The following CLMP variants were observed in gnomAD, a reference collection of about 807,000 sequenced individuals.
CLMP encodes CXADR-like membrane protein.
CLMP carries 27 observed loss-of-function variants against 45.2 expected under a neutral mutation model. The ratio of observed to expected loss-of-function variants is 0.60; its 90% CI spans 0.44 to 0.82. CLMP has a LOEUF of 0.82. CLMP is among the 40% of genes least tolerant of loss of function. CLMP has a pLI of 0.00. For missense variants in CLMP, 403 were observed against 448.4 expected, an observed-to-expected ratio of 0.90 and a Z score of 0.91; for synonymous variants, 167 against 171.4, an observed-to-expected ratio of 0.97 and a Z score of 0.20.
At chr11:123,190,759 C>T (rs1337845672) in intron 1 of CLMP, among the ~76,000 whole-genome samples, 1 of 152,182 alleles carries the variant, frequency 6.6e-6, no homozygotes, top group African/African-American at 2.4e-5. Flanking sequence ...AAAACCAATG[C>T]CAATTATTCA....
intron 1 of CLMP, among the ~76,000 whole-genome samples, chr11:123,099,500 T>C (rs1027772573): frequency 6.6e-6 from 1 of 152,086 alleles, no homozygotes; most frequent in Non-Finnish European, 1.5e-5. Context: ...AGAAACAGAG[T>C]ATGTAAATCA....
Position 123,083,099 on chromosome 11 carries a change from C to G in CLMP, c.665G>C (p.Arg222Pro). The G allele has an allele frequency of 6.2e-7, 1 of 1,614,176 alleles. No individual in the cohort carries two copies. Reference protein sequence around the residue: ...NEAGKESCVVRVTVQYVQSIG... With the variant: ...NEAGKESCVVPVTVQYVQSIG... ...TGGATGCTTACACTGTACAGTTACT[C>G]GCACCACACAGCTTTCCTTCCCAGC... Residue 222 changes from arginine (R) to proline (P), a missense_variant, in exon 5 of 7, where the codon CGA becomes CCA. Coordinates refer to ENST00000448775, the MANE Select transcript of CLMP (RefSeq NM_024769.5).
In CLMP at chr11:123,083,150, A is replaced by G; in HGVS notation, c.614T>C (p.Leu205Pro). Residue 205 changes from leucine (L) to proline (P), a missense_variant, in exon 5 of 7, where the codon CTG becomes CCG. By Grantham distance (98) the Leu-to-Pro change is moderately conservative. Transcript: ENST00000448775. The part of the protein sequence containing the change: ...LQNLTMSYSG[L>P]YQCTAGNEAG... The stretch of plus-strand genomic sequence containing the variant: ...TTCGTTGCCTGCTGTGCACTGGTAC[A>G]GTCCAGAGTAGGACATGGTAAGATT... The G allele has an allele frequency of 3.1e-6, 5 of 1,614,152 alleles. No individual in the cohort carries two copies. The highest frequency in any genetic ancestry group is 4.2e-6 in the Non-Finnish European group (5 of 1,179,970).
chr11:123,136,050 A>G, intron 1 of CLMP: 1 of 594,626 alleles, frequency 1.7e-6, no homozygotes, highest in South Asian at 1.4e-5. Context: ...TCGTTTCTTC[A>G]TCTGCCTTTT....
At chr11:123,142,667 C>A (rs535215913) in intron 1 of CLMP, among the ~76,000 whole-genome samples, 2 of 131,696 alleles carry the variant, frequency 1.5e-5, no homozygotes, top group East Asian at 4.5e-4. Flanking sequence ...GTGCCCAGGC[C>A]GGACTGCGGA....
chr11:123,099,062 G>A (rs1188674609), intron 1 of CLMP, among the ~76,000 whole-genome samples: 1 of 152,004 alleles, frequency 6.6e-6, no homozygotes, highest in African/African-American at 2.4e-5. Flanking sequence ...TTACTTCTGG[G>A]CTGAAGCGAT....
intron 1 of CLMP, among the ~76,000 whole-genome samples, chr11:123,148,026 G>A (rs986991413): frequency 7.9e-5 from 12 of 152,240 alleles, no homozygotes; most frequent in Middle Eastern, 3.4e-3. Flanking sequence ...TCTTCGTTCT[G>A]CAGCTTACCT....
intron 2 of CLMP, among the ~76,000 whole-genome samples, chr11:123,086,007 C>T (rs1865862056): frequency 6.6e-6 from 1 of 152,014 alleles, no homozygotes; most frequent in Admixed American, 6.6e-5. Context: ...GAACTCCTGA[C>T]CTCAGATGAT....
chr11:123,073,907 G>T, intron 6 of CLMP, 133 bp from the exon 7 acceptor site: 1 of 857,152 alleles, frequency 1.2e-6, no homozygotes, highest in South Asian at 1.8e-5. Flanking sequence ...TAGGGTCATA[G>T]GTGCTTCCTC....
At chr11:123,182,331 C>T (rs979578649) in intron 1 of CLMP, among the ~76,000 whole-genome samples, 3 of 152,188 alleles carry the variant, frequency 2.0e-5, no homozygotes, top group South Asian at 2.1e-4. Flanking sequence ...TCCATCCGAG[C>T]GAGGTCATCA....
At chr11:123,118,929 T>TTTTTC (rs1860754788) in intron 1 of CLMP, among the ~76,000 whole-genome samples, 1 of 99,338 alleles carries the variant, frequency 1.0e-5, no homozygotes, top group African/African-American at 4.2e-5. Context: ...TTTTCTTTTC[T>TTTTTC]TTTCTTTCTT....
chr11:123,089,865 C>A (rs1040343540), intron 2 of CLMP, among the ~76,000 whole-genome samples: 25 of 151,312 alleles, frequency 1.7e-4, no homozygotes, highest in Non-Finnish European at 3.2e-4. Flanking sequence ...TTTGGGAGAC[C>A]AAGGCGGGCA....
At chr11:123,108,173 A>G (rs1358114521) in intron 1 of CLMP, among the ~76,000 whole-genome samples, 1 of 151,942 alleles carries the variant, frequency 6.6e-6, no homozygotes, top group Non-Finnish European at 1.5e-5. Flanking sequence ...TGCTTTCCCA[A>G]TCCCACACCC....
rs551769987 is a variant in CLMP, at chr11:123,100,152, A to T, written c.29-2200T>A. On this transcript the variant is annotated intron_variant, in intron 1 of 6. Transcript: ENST00000448775. ...TTGGGAGGCTGAGGAGGGCAGATCA[A>T]CTGAGGTCAGGAGTTTGAGACCAGC... Among the ~76,000 whole-genome samples, 3 of 152,150 alleles carry T rather than the reference A, an allele frequency of 2.0e-5. No individual in the cohort carries two copies. In the South Asian group the frequency reaches 6.2e-4, roughly 32 times the overall value.
chr11:123,188,357 C>A (rs1410495702), intron 1 of CLMP, among the ~76,000 whole-genome samples: 3 of 152,148 alleles, frequency 2.0e-5, no homozygotes, highest in Admixed American at 6.5e-5. Flanking sequence ...TCTGTAAACA[C>A]CAGGAGGTCA....
At chr11:123,080,645 G>C (rs1032528334) in intron 5 of CLMP, among the ~76,000 whole-genome samples, 7 of 152,098 alleles carry the variant, frequency 4.6e-5, no homozygotes, top group African/African-American at 1.7e-4. Flanking sequence ...ATCTCTTGAA[G>C]GGAGAAGTAG....
intron 2 of CLMP, among the ~76,000 whole-genome samples, chr11:123,097,101 C>G (rs752244147): frequency 2.6e-5 from 4 of 152,178 alleles, no homozygotes; most frequent in South Asian, 2.1e-4. Flanking sequence ...GTTCACCCCC[C>G]TCAGGCTCCC....
At chr11:123,125,059 G>C (rs549223481) in intron 1 of CLMP, among the ~76,000 whole-genome samples, 51 of 152,148 alleles carry the variant, frequency 3.4e-4, no homozygotes, top group Non-Finnish European at 6.9e-4. Context: ...ACCATGCCTA[G>C]CTAATTTTCT....
chr11:123,132,556 T>C (rs1333622515), intron 1 of CLMP, among the ~76,000 whole-genome samples: 1 of 152,058 alleles, frequency 6.6e-6, no homozygotes, highest in African/African-American at 2.4e-5. Context: ...CCTCTTGGGT[T>C]CAAGTGATTC....
Sources: allele counts gnomAD v4.1 joint callset (sites outside exome capture counted in the v4.1 genomes callset), GRCh38; gene constraint gnomAD v4.1.1; transcripts MANE v1.5; gene names NCBI Gene and HGNC (gene_info 2026-07-23, HGNC 2026-07-21).